RHOBTB2: variants seen among roughly 807,000 people sequenced by gnomAD.
The protein encoded by RHOBTB2 is rho-related BTB domain-containing protein 2.
Under a neutral mutation model 66.5 loss-of-function variants are expected in RHOBTB2, and 39 were observed. That is an observed-to-expected ratio of 0.59 (90% CI 0.45 to 0.77). The LOEUF is 0.77. Ranked by LOEUF, RHOBTB2 falls within the 30% of genes least tolerant of loss-of-function variation. The pLI is 0.00. For missense variants in RHOBTB2, 755 were observed against 999.1 expected, an observed-to-expected ratio of 0.76 and a Z score of 3.29; for synonymous variants, 390 against 395.0, an observed-to-expected ratio of 0.99 and a Z score of 0.15.
chr8:22,974,428 T>G, the RHOBTB2 span, among the ~76,000 whole-genome samples: 1 of 152,228 alleles, frequency 6.6e-6, no homozygotes, highest in East Asian at 1.9e-4. Context: ...CTGCCGGCTC[T>G]TTGTGCCGTT....
chr8:23,015,807 T>C (rs531138595), intron 9 of RHOBTB2, 64 bp downstream of exon 9: 2 of 1,176,648 alleles, frequency 1.7e-6, no homozygotes, highest in African/African-American at 3.0e-5. Context: ...ACAGCTCCCA[T>C]GTAATCCCAG....
At position 23,004,485 on chromosome 8, in the gene RHOBTB2, C is replaced by A; in HGVS notation, c.51C>A (p.Cys17Ter). 1 of 1,614,206 alleles carries A rather than the reference C, an allele frequency of 6.2e-7. No individual in the cohort carries two copies. The highest frequency in any genetic ancestry group is 1.1e-5 in the South Asian group (1 of 91,090). The change falls in exon 2 of 10, where the codon TGC becomes TGA. Residue 17 changes from cysteine to a stop codon, truncating the protein, a stop_gained. Coordinates refer to ENST00000251822, the MANE Select transcript of RHOBTB2 (RefSeq NM_015178.3). LOFTEE classifies it high-confidence loss of function. The surrounding 1 kb of genome is among the most constrained non-coding windows in gnomAD (Gnocchi z 6.4). ...YERPNVETIK[C>*]VVVGDNAVGK... Reference sequence around the variant, plus strand: ...GGCCAAACGTAGAGACCATCAAGTGCGTTGTGGTGGGGGACAACGCCGTGG... The same window carrying A: ...GGCCAAACGTAGAGACCATCAAGTGAGTTGTGGTGGGGGACAACGCCGTGG...
chr8:22,974,961 A>AT, the RHOBTB2 span, among the ~76,000 whole-genome samples: 1 of 152,212 alleles, frequency 6.6e-6, no homozygotes, highest in South Asian at 2.1e-4. Flanking sequence ...TCCTGGATCA[A>AT]TGTTTTGTCC....
the RHOBTB2 span, among the ~76,000 whole-genome samples, chr8:22,965,582 A>G: frequency 6.6e-6 from 1 of 152,242 alleles, no homozygotes; most frequent in Non-Finnish European, 1.5e-5. Flanking sequence ...ATAAAGACAG[A>G]ACATCAACCA....
the RHOBTB2 span, among the ~76,000 whole-genome samples, chr8:22,967,966 G>A: frequency 6.6e-6 from 1 of 152,068 alleles, no homozygotes; most frequent in Non-Finnish European, 1.5e-5. Context: ...AGAGCAGCCT[G>A]GGCAACATGG....
At chr8:22,979,281 C>G in the RHOBTB2 span, among the ~76,000 whole-genome samples, 2 of 152,118 alleles carry the variant, frequency 1.3e-5, no homozygotes, top group Non-Finnish European at 2.9e-5. Context: ...GTGCTTCTCT[C>G]AAACACTCCA....
At chr8:22,991,269 C>T (rs1810418666) in intron 1 of RHOBTB2, among the ~76,000 whole-genome samples, 1 of 152,152 alleles carries the variant, frequency 6.6e-6, no homozygotes, top group African/African-American at 2.4e-5. Context: ...GCCCATCCAG[C>T]CTTGTATACT....
At chr8:22,970,073 C>T in the RHOBTB2 span, among the ~76,000 whole-genome samples, 34 of 152,200 alleles carry the variant, frequency 2.2e-4, no homozygotes, top group African/African-American at 8.0e-4. Flanking sequence ...TAGAAACACA[C>T]TGTCTCAGTC....
intron 1 of RHOBTB2, among the ~76,000 whole-genome samples, chr8:22,989,547 CCT>C (rs1325958999): frequency 3.9e-5 from 6 of 152,168 alleles, no homozygotes; most frequent in Non-Finnish European, 5.9e-5. Flanking sequence ...GCCATTCCTG[CCT>C]CTCTGTTCTG....
At chr8:22,960,303 TCC>T in the RHOBTB2 span, among the ~76,000 whole-genome samples, 1 of 61,268 alleles carries the variant, frequency 1.6e-5, no homozygotes, top group Non-Finnish European at 5.5e-5. Context: ...AGATGAGCCC[TCC>T]CCTCCCCTCC....
At chr8:22,983,645 A>G (rs17088868), upstream of RHOBTB2, among the ~76,000 whole-genome samples, 7,979 of 152,248 alleles carry the variant, frequency 0.052, 275 homozygotes, top group South Asian at 0.15. Flanking sequence ...AAGGTTTTGG[A>G]TGTGCAAAAG....
chr8:23,015,957 A>G (rs1430231711), intron 9 of RHOBTB2, among the ~76,000 whole-genome samples: 4 of 152,274 alleles, frequency 2.6e-5, no homozygotes, highest in Admixed American at 6.5e-5. Flanking sequence ...TCTCATTCTC[A>G]GAGGTATGAA....
At chr8:22,987,071 C>T (rs933728910), upstream of RHOBTB2, among the ~76,000 whole-genome samples, 9 of 152,246 alleles carry the variant, frequency 5.9e-5, no homozygotes, top group Non-Finnish European at 1.2e-4. Flanking sequence ...ATAACTTGTT[C>T]CCTGGCTGTA....
intron 9 of RHOBTB2, 58 bp downstream of exon 9, chr8:23,015,801 C>G: frequency 8.2e-7 from 1 of 1,221,618 alleles, no homozygotes; most frequent in Non-Finnish European, 1.2e-6. Context: ...GGGTGCACAG[C>G]TCCCATGTAA....
chr8:22,999,507 GC>G (rs1029719186), upstream of RHOBTB2: 38 of 613,266 alleles, frequency 6.2e-5, no homozygotes, highest in Non-Finnish European at 6.2e-5. Context: ...CCCCCTCCCC[GC>G]CCCCCGAACG....
At chr8:22,953,637 G>C in the RHOBTB2 span, among the ~76,000 whole-genome samples, 11 of 152,192 alleles carry the variant, frequency 7.2e-5, no homozygotes, top group African/African-American at 1.9e-4. Flanking sequence ...AGACCAAAGA[G>C]ACTTATTTAT....
the RHOBTB2 span, among the ~76,000 whole-genome samples, chr8:22,980,507 G>A: frequency 2.6e-5 from 4 of 152,022 alleles, no homozygotes; most frequent in Admixed American, 6.6e-5. Context: ...CAGATTTTAC[G>A]TATTCAATTG....
chr8:22,986,164 CTCTCTT>C (rs1810285018), upstream of RHOBTB2, among the ~76,000 whole-genome samples: 1 of 150,920 alleles, frequency 6.6e-6, no homozygotes, highest in Non-Finnish European at 1.5e-5. Flanking sequence ...CTCTCTCTCT[CTCTCTT>C]TCGTATTTAA....
At chr8:22,983,399 T>C (rs1175163598), upstream of RHOBTB2, among the ~76,000 whole-genome samples, 2 of 150,290 alleles carry the variant, frequency 1.3e-5, no homozygotes, top group African/African-American at 4.9e-5. Context: ...GCCTGTAATA[T>C]TAGCACTTTG....
Sources: gnomAD v4.1 joint callset for allele counts (sites outside exome capture counted in the v4.1 genomes callset) on GRCh38, gnomAD v4.1.1 for gene constraint, Gnocchi (gnomAD v3.1) non-coding constraint, MANE v1.5 for transcripts, NCBI Gene and HGNC (gene_info 2026-07-23, HGNC 2026-07-21) for gene names.